Variants in PDE4C observed in about 807,000 individuals in gnomAD.
PDE4C encodes the protein phosphodiesterase 4C.
In PDE4C, 50 loss-of-function variants were observed where a neutral mutation model predicts 63.9. The ratio of observed to expected loss-of-function variants is 0.78; its 90% confidence interval spans 0.62 to 0.99. The LOEUF (loss-of-function observed/expected upper bound fraction) is 0.99, where lower values mean the gene tolerates loss of function less well. Ranked by LOEUF, PDE4C falls within the 50% of genes least tolerant of loss-of-function variation. The pLI is 0.00. For missense variants in PDE4C, 777 were observed against 899.1 expected, an observed-to-expected ratio of 0.86 and a Z score of 1.74; for synonymous variants, 377 against 385.1, an observed-to-expected ratio of 0.98 and a Z score of 0.25.
At chr19:18,216,495 G>A (rs1194569639) in intron 12 of PDE4C, among the ~76,000 whole-genome samples, 2 of 151,796 alleles carry the variant, frequency 1.3e-5, no homozygotes, top group African/African-American at 2.4e-5. Flanking sequence ...GGCTGGTCTC[G>A]AACTCCTGAC....
intron 1 of PDE4C, among the ~76,000 whole-genome samples, chr19:18,245,146 TTTTGTTTGTTTGTTTG>T (rs58953650): frequency 1.6e-4 from 24 of 148,622 alleles, no homozygotes; most frequent in East Asian, 1.2e-3. Flanking sequence ...GTTGTTGGTT[TTTTGTTTGTTTGTTTG>T]TTTGTTTGTT....
At chr19:18,213,230 G>T in intron 13 of PDE4C, 138 bp downstream of exon 13, 1 of 637,974 alleles carries the variant, frequency 1.6e-6, no homozygotes, top group Non-Finnish European at 2.3e-6. Flanking sequence ...CTTGCACTGA[G>T]CCAAGATGGC....
intron 1 of PDE4C, among the ~76,000 whole-genome samples, chr19:18,232,258 G>C (rs890503731): frequency 1.3e-5 from 2 of 151,974 alleles, no homozygotes; most frequent in African/African-American, 4.8e-5. Flanking sequence ...CCAGCTACTC[G>C]AGACTGAGGT....
intron 2 of PDE4C, 41 bp from the exon 3 acceptor site, chr19:18,221,338 T>C (rs1429268280): frequency 6.5e-7 from 1 of 1,531,914 alleles, no homozygotes; most frequent in African/African-American, 1.4e-5. Flanking sequence ...CTCTCCCATC[T>C]TCCAGCTTTT....
At chr19:18,242,594 C>T (rs1969061080) in intron 1 of PDE4C, among the ~76,000 whole-genome samples, 1 of 150,130 alleles carries the variant, frequency 6.7e-6, no homozygotes, top group African/African-American at 2.5e-5. Context: ...CCAACCTGGC[C>T]AGCATGGTGA....
At chr19:18,232,916 C>A in intron 1 of PDE4C, 1 of 1,425,102 alleles carries the variant, frequency 7.0e-7, no homozygotes, top group Non-Finnish European at 9.2e-7. Flanking sequence ...GCCCCTCCCC[C>A]GCGCTGCAGG....
At chr19:18,210,867 T>G (rs964483710) in exon 15 of PDE4C, 1 of 1,514,724 alleles carries the variant, frequency 6.6e-7, no homozygotes, top group Middle Eastern at 1.9e-4. Context: ...CTGGAAAGTC[T>G]GCCTGCCAAG....
At chr19:18,226,273 A>G in exon 1 of PDE4C, 3 of 1,561,622 alleles carry the variant, frequency 1.9e-6, no homozygotes, top group Admixed American at 1.9e-5. Context: ...GCCTCACCAC[A>G]GCGGATGGGC....
At chr19:18,227,180 A>T (rs144143127), upstream of PDE4C, among the ~76,000 whole-genome samples, 43 of 152,240 alleles carry the variant, frequency 2.8e-4, no homozygotes, top group African/African-American at 8.9e-4. Context: ...ACTGAGGCCT[A>T]GTGCCATCAA....
chr19:18,218,906 GT>G (rs768191965), intron 9 of PDE4C, 33 bp downstream of exon 9: 1 of 1,490,986 alleles, frequency 6.7e-7, no homozygotes, highest in Non-Finnish European at 9.4e-7. Context: ...AACCCCAGGA[GT>G]TTTTCCTTGG....
At chr19:18,250,171 C>T (rs765294521), upstream of PDE4C, 9 of 398,600 alleles carry the variant, frequency 2.3e-5, no homozygotes, top group East Asian at 1.1e-4. Context: ...CTGTCATTCA[C>T]GGATCCCTGA....
exon 2 of PDE4C, chr19:18,222,225 C>T (rs965598707): frequency 1.2e-5 from 19 of 1,614,042 alleles, no homozygotes; most frequent in Non-Finnish European, 1.4e-5. Context: ...GCGCCGCTGG[C>T]TGTGCGGGAC....
chr19:18,221,058 C>T (rs1968454759), intron 4 of PDE4C, 47 bp downstream of exon 4: 2 of 1,221,610 alleles, frequency 1.6e-6, no homozygotes, highest in Non-Finnish European at 2.3e-6. Flanking sequence ...TTCCGCCCAC[C>T]TTGTCTCTGC....
At chr19:18,253,655 A>C in the PDE4C span, among the ~76,000 whole-genome samples, 1 of 152,088 alleles carries the variant, frequency 6.6e-6, no homozygotes, top group Non-Finnish European at 1.5e-5. Flanking sequence ...GATCAGCCCT[A>C]ATTTTCTCCA....
At chr19:18,236,289 G>T (rs1030336619), upstream of PDE4C, among the ~76,000 whole-genome samples, 1 of 151,822 alleles carries the variant, frequency 6.6e-6, no homozygotes. Flanking sequence ...ACCCAGGTTG[G>T]AGTGCAGTGG....
chr19:18,235,083 A>G (rs901207268), upstream of PDE4C, among the ~76,000 whole-genome samples: 6 of 152,206 alleles, frequency 3.9e-5, no homozygotes, highest in African/African-American at 1.4e-4. Context: ...AAGTGATGCC[A>G]GATGTAAAGG....
intron 4 of PDE4C, 38 bp downstream of exon 4, chr19:18,221,058 CTTGTCTCTG>C: frequency 1.6e-6 from 2 of 1,221,604 alleles, no homozygotes; most frequent in Non-Finnish European, 2.3e-6. Context: ...TTCCGCCCAC[CTTGTCTCTG>C]CCGGCCCCGC....
chr19:18,228,532 C>T (rs941822350), upstream of PDE4C, among the ~76,000 whole-genome samples: 15 of 152,182 alleles, frequency 9.9e-5, no homozygotes, highest in African/African-American at 3.6e-4. Context: ...CAGCCTGGGT[C>T]CTCCCGCACT....
chr19:18,233,782 C>T (rs1026985767), upstream of PDE4C: 6 of 314,418 alleles, frequency 1.9e-5, no homozygotes, highest in Non-Finnish European at 3.8e-5. Flanking sequence ...GCGTCATCCG[C>T]CCAGGAGGTG....
Sources: allele counts gnomAD v4.1 joint callset (sites outside exome capture counted in the v4.1 genomes callset), GRCh38; gene constraint gnomAD v4.1.1; transcripts MANE v1.5; gene names NCBI Gene and HGNC (gene_info 2026-07-23, HGNC 2026-07-21).